EHBP1: variants seen among roughly 807,000 people sequenced by gnomAD.
EHBP1 encodes the protein EH domain-binding protein 1.
In EHBP1, 55 loss-of-function variants were observed where a neutral mutation model predicts 144.0. The observed-to-expected ratio is 0.38, with a 90% CI of 0.31 to 0.48. The LOEUF is 0.48. Among genes scored for constraint, EHBP1 ranks in the 20% least tolerant of loss-of-function variants. The pLI, the probability that EHBP1 is intolerant of heterozygous loss-of-function variation, is 0.98. For synonymous variants in EHBP1, 469 were observed against 472.7 expected (o/e 0.99, Z 0.10); for missense variants, 1,200 against 1,364.2 (o/e 0.88, Z 1.90).
At chr2:62,992,294 G>T (rs2059445547) in intron 16 of EHBP1, among the ~76,000 whole-genome samples, 1 of 151,910 alleles carries the variant, frequency 6.6e-6, no homozygotes, top group African/African-American at 2.4e-5. Flanking sequence ...CAAAACTGTT[G>T]CTATCATAAC....
intron 14 of EHBP1, 39 bp downstream of exon 14, chr2:62,955,699 T>C (rs774880743): frequency 6.3e-7 from 1 of 1,575,028 alleles, no homozygotes; most frequent in Non-Finnish European, 8.6e-7. Context: ...AAGTTGTTCA[T>C]TGTAATCATG....
At chr2:62,779,177 T>C (rs2042253167) in intron 5 of EHBP1, among the ~76,000 whole-genome samples, 1 of 152,146 alleles carries the variant, frequency 6.6e-6, no homozygotes, top group Non-Finnish European at 1.5e-5. Flanking sequence ...TATAGTCCTG[T>C]TTATAGCATT....
At chr2:62,757,411 CTTTCTTTTTTT>C (rs1158184366) in intron 3 of EHBP1, among the ~76,000 whole-genome samples, 50 of 132,940 alleles carry the variant, frequency 3.8e-4, no homozygotes, top group Non-Finnish European at 5.9e-4. Context: ...TCATTTCTTT[CTTTCTTTTTTT>C]TTTCTTTTTT....
intron 5 of EHBP1, among the ~76,000 whole-genome samples, chr2:62,807,880 A>G (rs572342913): frequency 2.0e-4 from 30 of 152,166 alleles, no homozygotes; most frequent in Non-Finnish European, 8.8e-5. Context: ...AGTAATTACT[A>G]TATTTGTTTC....
At chr2:62,817,344 A>G (rs140301393) in intron 5 of EHBP1, among the ~76,000 whole-genome samples, 2 of 152,340 alleles carry the variant, frequency 1.3e-5, no homozygotes, top group East Asian at 1.9e-4. Context: ...AGCTAGCCAT[A>G]TAATATCTAT....
At chr2:62,909,731 A>G (rs553649843) in intron 10 of EHBP1, among the ~76,000 whole-genome samples, 1 of 152,040 alleles carries the variant, frequency 6.6e-6, no homozygotes, top group East Asian at 1.9e-4. Flanking sequence ...ATCTCAGAAT[A>G]TGTTTTTCAT....
In EHBP1 at chr2:62,808,218, C is replaced by CT. The variant is rs59599464; in HGVS notation, c.313-17854dup. On this transcript the variant is annotated intron_variant, in intron 5 of 22. Transcript: ENST00000431489. ...ATTATTTCAATTATTTCTTCTGTTC[C>CT]TTTTTTTTTTTTTTTCCTCTGCTTC... 2.2e-3 allele frequency among the ~76,000 whole-genome samples: 304 copies of CT among 138,134 alleles called. 2 individuals are homozygous for CT. Among genetic ancestry groups the CT allele is most frequent in the East Asian group, 0.017 (82 of 4,798 alleles). The allele number at this position is 138,134 out of a possible 152,430, so 90.6% of individuals were successfully genotyped here.
intron 14 of EHBP1, among the ~76,000 whole-genome samples, chr2:62,969,855 A>G (rs1343154471): frequency 1.3e-5 from 2 of 152,172 alleles, no homozygotes; most frequent in East Asian, 3.8e-4. Context: ...GTCTGCTTAT[A>G]TTACAAACCA....
In EHBP1 at chr2:62,948,738, C is replaced by G. The variant is rs2057211689; in HGVS notation, c.1892C>G (p.Ser631Cys). ...SQQSSGRTSG[S>C]DDPGICSNTD... ...CAGAGCTCTGGAAGGACTTCAGGAT[C>G]TGATGACCCTGGAATATGTTCCAAT... Residue 631 changes from serine (S) to cysteine (C), a missense_variant, in exon 13 of 23, where the codon TCT becomes TGT. Physicochemically the swap from Ser to Cys is moderately radical, Grantham distance 112. Around this residue, in one of 6 missense-constraint regions of EHBP1, gnomAD observed 543 missense variants for 513.1 expected, o/e 1.06. Coordinates refer to ENST00000431489, the MANE Select transcript of EHBP1 (RefSeq NM_001142616.3). 1 of 1,613,992 alleles carries G rather than the reference C, an allele frequency of 6.2e-7. No individual in the cohort carries two copies. The highest frequency in any genetic ancestry group is 1.3e-5 in the African/African-American group (1 of 74,916).
At chr2:62,855,864 A>T (rs1399330250) in intron 7 of EHBP1, among the ~76,000 whole-genome samples, 1 of 152,150 alleles carries the variant, frequency 6.6e-6, no homozygotes, top group Non-Finnish European at 1.5e-5. Flanking sequence ...AGAGCTAGAA[A>T]GACAATGGGT....
At chr2:62,931,000 G>A (rs1574106872) in intron 10 of EHBP1, among the ~76,000 whole-genome samples, 1 of 152,082 alleles carries the variant, frequency 6.6e-6, no homozygotes, top group East Asian at 1.9e-4. Flanking sequence ...GGCACAGACA[G>A]CAAAAGAAAG....
chr2:62,709,587 G>A lies in EHBP1; in HGVS notation c.104+2292G>A, dbSNP rs868524773. On this transcript the variant is annotated intron_variant, in intron 2 of 22. Transcript: ENST00000431489. Reference sequence around the variant, plus strand: ...TAAGTTATTGCTAATGTGTCTAAAGGTAAAAGCTACAGCGAAAATTTAGCT... The same window carrying A: ...TAAGTTATTGCTAATGTGTCTAAAGATAAAAGCTACAGCGAAAATTTAGCT... Among the ~76,000 whole-genome samples the A allele has an allele frequency of 2.0e-5, 3 of 152,148 alleles. No homozygotes were observed. The South Asian group carries it at 6.2e-4, about 32-fold the overall frequency.
At position 62,957,641 on chromosome 2, in the gene EHBP1, C is replaced by CTTTTTTTTTTTTTTTTTTTTTTTTTT. The variant is rs1157397512; in HGVS notation, c.2460+2003_2460+2004insTTTTTTTTTTTTTTTTTTTTTTTTTT. On this transcript the variant is annotated intron_variant, in intron 14 of 22. Coordinates refer to ENST00000431489, the MANE Select transcript of EHBP1 (RefSeq NM_001142616.3). ...TAAAATTAATATTTGAAAATAAATG[C>CTTTTTTTTTTTTTTTTTTTTTTTTTT]TTTTTTTTTTTTTTTTTTTTTTGAG... Among the ~76,000 whole-genome samples, 6 of 87,174 alleles carry CTTTTTTTTTTTTTTTTTTTTTTTTTT rather than the reference C, an allele frequency of 6.9e-5. 1 individual carries two copies. The highest frequency in any genetic ancestry group is 3.1e-4 in the African/African-American group (6 of 19,488). 57.2% of individuals were successfully genotyped at this position (87,174 alleles called of 152,430 possible).
intron 10 of EHBP1, among the ~76,000 whole-genome samples, chr2:62,886,625 A>G (rs1048618085): frequency 6.6e-6 from 1 of 152,238 alleles, no homozygotes; most frequent in African/African-American, 2.4e-5. Flanking sequence ...CCCTAGGCAA[A>G]GAATACAAGC....
chr2:62,842,365 G>C (rs1295599658), intron 7 of EHBP1, among the ~76,000 whole-genome samples: 1 of 152,126 alleles, frequency 6.6e-6, no homozygotes, highest in Non-Finnish European at 1.5e-5. Context: ...GATTATAGGC[G>C]TGAGCCACCG....
chr2:62,897,869 A>G (rs1350799885), intron 10 of EHBP1, among the ~76,000 whole-genome samples: 1 of 152,106 alleles, frequency 6.6e-6, no homozygotes, highest in Non-Finnish European at 1.5e-5. Context: ...TCTTTATTTG[A>G]TGGTGGAAAT....
At chr2:62,776,586 G>A (rs1004959736) in intron 5 of EHBP1, among the ~76,000 whole-genome samples, 19 of 152,208 alleles carry the variant, frequency 1.2e-4, no homozygotes, top group Admixed American at 3.9e-4. Flanking sequence ...AGACTTTACT[G>A]TTATCTCAAA....
intron 2 of EHBP1, among the ~76,000 whole-genome samples, chr2:62,732,516 G>A (rs2037702119): frequency 6.6e-6 from 1 of 152,130 alleles, no homozygotes. Flanking sequence ...CTCTAGTGCT[G>A]TTCTCGTGAT....
rs563798595 is a variant in EHBP1 at position 62,738,133 on chromosome 2, C to T, written c.105-9262C>T. 3.3e-5 allele frequency among the ~76,000 whole-genome samples: 5 copies of T among 152,030 alleles called. No individual in the cohort carries two copies. In the East Asian group the frequency reaches 9.7e-4, roughly 29 times the overall value. On this transcript the variant is annotated intron_variant, in intron 2 of 22. Transcript: ENST00000431489. ...ATTTTATTGTTCAGCAACATACTTTCAACTGTTCTTTTACTATTTTGATTG... is the reference window on the plus strand; with the variant it reads ...ATTTTATTGTTCAGCAACATACTTTTAACTGTTCTTTTACTATTTTGATTG...
Sources: gnomAD v4.1 joint callset for allele counts (sites outside exome capture counted in the v4.1 genomes callset) on GRCh38, gnomAD v4.1.1 for gene constraint, gnomAD v4.1.1 regional missense constraint, MANE v1.5 for transcripts, NCBI Gene and HGNC (gene_info 2026-07-23, HGNC 2026-07-21) for gene names.